The following WIPF2 variants were observed in gnomAD, a reference collection of about 807,000 sequenced individuals.
WIPF2 encodes WAS/WASL interacting protein family member 2.
In WIPF2, 23 loss-of-function variants were observed where a neutral mutation model predicts 38.8. The observed-to-expected ratio is 0.59, with a 90% CI of 0.43 to 0.84. WIPF2 has a LOEUF of 0.84. Among genes scored for constraint, WIPF2 ranks in the 40% least tolerant of loss-of-function variants. WIPF2 has a pLI of 0.00. For missense variants in WIPF2, 574 were observed against 580.5 expected (o/e 0.99, Z 0.11); for synonymous variants, 210 against 223.2 (o/e 0.94, Z 0.53).
Position 40,278,347 on chromosome 17 carries a change from C to A in WIPF2, c.*122C>A. On this transcript the variant is annotated 3_prime_UTR_variant, in exon 8 of 8. Transcript: ENST00000323571. ...ACATGTTTCTCCAATGCAATCAAGC[C>A]CTAGACTCCAAATGTCCTCCCAGCT... The A allele has an allele frequency of 8.5e-7, 1 of 1,176,056 alleles. No individual in the cohort carries two copies. Among genetic ancestry groups the A allele is most frequent in the Non-Finnish European group, 1.2e-6 (1 of 819,216 alleles). The allele number at this position is 1,176,056 out of a possible 1,614,324, so 72.9% of individuals were successfully genotyped here.
rs2032552512 is a variant in WIPF2 at position 40,281,870 on chromosome 17, C to T, written c.*3645C>T. The T allele has an allele frequency of 6.6e-6, 1 of 152,532 alleles. No homozygotes were observed. The highest frequency in any genetic ancestry group is 1.5e-5 in the Non-Finnish European group (1 of 68,060). 9.4% of individuals were successfully genotyped at this position (152,532 alleles called of 1,614,324 possible). ...CTATGATGGCACTACATTGAGCTGT[C>T]TGCCCTTCCGGAAACCCAACCTGCA... On this transcript the variant is annotated 3_prime_UTR_variant, in exon 8 of 8. Coordinates refer to ENST00000323571, the MANE Select transcript of WIPF2 (RefSeq NM_133264.5).
chr17:40,242,876 G>T, intron 1 of WIPF2, among the ~76,000 whole-genome samples: 1 of 152,198 alleles, frequency 6.6e-6, no homozygotes, highest in East Asian at 1.9e-4. Flanking sequence ...CTGTACTTCA[G>T]TGCTTTCAGG....
chr17:40,264,941 C>T lies in WIPF2; in HGVS notation c.765C>T (p.Tyr255=). Residue 255 remains tyrosine (Y), a synonymous_variant, in exon 5 of 8, where the codon TAC becomes TAT. Transcript: ENST00000323571. ...GQSLAPPPPP[Y]RQPPGVPNGP... is the part of the protein sequence containing the mutation. ...CTCTGGCTCCTCCTCCTCCGCCTTA[C>T]CGCCAGCCTCCTGGGGTCCCCAATG... 6.2e-7 allele frequency: 1 copy of T among 1,614,234 alleles called. No homozygotes were observed. The highest frequency in any genetic ancestry group is 1.6e-4 in the Middle Eastern group (1 of 6,062).
At chr17:40,249,393 A>G (rs2031479845) in intron 1 of WIPF2, among the ~76,000 whole-genome samples, 1 of 152,038 alleles carries the variant, frequency 6.6e-6, no homozygotes, top group South Asian at 2.1e-4. Flanking sequence ...GGAGTGAAAC[A>G]TTAGGAAATT....
At position 40,283,512 on chromosome 17, in the gene WIPF2, G is replaced by A. The variant is rs1425670091; in HGVS notation, c.*5287G>A. 1.3e-5 allele frequency: 2 copies of A among 152,140 alleles called. No homozygotes were observed. The highest frequency in any genetic ancestry group is 4.8e-5 in the African/African-American group (2 of 41,400). The allele number at this position is 152,140 out of a possible 1,614,324, so 9.4% of individuals were successfully genotyped here. ...TTGTCCCACCTCAGCTTCTCAAAGT[G>A]CTGGGATTACAGGCATGAGCCACCG... On this transcript the variant is annotated 3_prime_UTR_variant, in exon 8 of 8. Transcript: ENST00000323571.
chr17:40,223,255 T>C (rs1306560355), intron 1 of WIPF2, among the ~76,000 whole-genome samples: 1 of 152,064 alleles, frequency 6.6e-6, no homozygotes, highest in Non-Finnish European at 1.5e-5. Flanking sequence ...GCAATTCTCC[T>C]GGCTCAGCCT....
At chr17:40,262,108 G>T (rs1295461575) in intron 3 of WIPF2, among the ~76,000 whole-genome samples, 7 of 127,154 alleles carry the variant, frequency 5.5e-5, no homozygotes, top group South Asian at 4.9e-4. Context: ...ACAGGGTCTT[G>T]CTCTGTCTGT....
intron 1 of WIPF2, among the ~76,000 whole-genome samples, chr17:40,232,041 C>G (rs2030767077): frequency 7.6e-6 from 1 of 132,320 alleles, no homozygotes; most frequent in South Asian, 2.4e-4. Context: ...GAGACAGGAT[C>G]TGGCTTTGTC....
intron 1 of WIPF2, among the ~76,000 whole-genome samples, chr17:40,253,392 T>C (rs1370226718): frequency 2.0e-5 from 3 of 152,202 alleles, no homozygotes; most frequent in Non-Finnish European, 4.4e-5. Context: ...ACTAGCTTTC[T>C]TTGCTAATGC....
At chr17:40,230,096 G>A (rs1009032122) in intron 1 of WIPF2, among the ~76,000 whole-genome samples, 3 of 152,136 alleles carry the variant, frequency 2.0e-5, no homozygotes, top group Non-Finnish European at 4.4e-5. Flanking sequence ...CCAACACTTT[G>A]GGAGACCAAG....
chr17:40,253,341 C>T (rs948722619), intron 1 of WIPF2, among the ~76,000 whole-genome samples: 16 of 152,140 alleles, frequency 1.1e-4, no homozygotes, highest in African/African-American at 1.7e-4. Flanking sequence ...GGATTACAGG[C>T]GTGAGCCACC....
intron 1 of WIPF2, among the ~76,000 whole-genome samples, chr17:40,254,112 G>A (rs2031647085): frequency 6.6e-6 from 1 of 151,824 alleles, no homozygotes. Flanking sequence ...CGCCTCCCGG[G>A]TTCAAGCAAC....
chr17:40,251,830 T>C (rs2031570174), intron 1 of WIPF2, among the ~76,000 whole-genome samples: 1 of 152,228 alleles, frequency 6.6e-6, no homozygotes, highest in Admixed American at 6.5e-5. Flanking sequence ...ATGTAATAAA[T>C]GTCATTGATA....
chr17:40,219,500 A>G lies in WIPF2; in HGVS notation c.-70+8A>G, dbSNP rs1158424967. The stretch of plus-strand genomic sequence containing the variant: ...CAGAGCAGCTGCGGCCAGGTCGGAA[A>G]GAGGCCGGGGCGGCTGGGTCAGTCG... On this transcript the variant is annotated splice_region_variant and intron_variant, in intron 1 of 7. Coordinates refer to ENST00000323571, the MANE Select transcript of WIPF2 (RefSeq NM_133264.5). The G allele has an allele frequency of 1.3e-5, 2 of 156,122 alleles. No homozygotes were observed. The highest frequency in any genetic ancestry group is 5.2e-5 in the African/African-American group (2 of 38,398). The allele number at this position is 156,122 out of a possible 1,614,324, so 9.7% of individuals were successfully genotyped here.
intron 1 of WIPF2, among the ~76,000 whole-genome samples, chr17:40,223,445 G>T (rs993159386): frequency 6.6e-6 from 1 of 151,994 alleles, no homozygotes; most frequent in African/African-American, 2.4e-5. Context: ...AAGGTGAAAT[G>T]CAGGAGAGGT....
At chr17:40,225,423 ACT>A (rs2030438738) in intron 1 of WIPF2, among the ~76,000 whole-genome samples, 1 of 152,020 alleles carries the variant, frequency 6.6e-6, no homozygotes, top group South Asian at 2.1e-4. Flanking sequence ...GTCAGTCTTA[ACT>A]CTCTTTAAGA....
Position 40,264,734 on chromosome 17 carries a change from C to T in WIPF2, c.558C>T (p.Ala186=), listed in dbSNP as rs2032024935. 6.2e-7 allele frequency: 1 copy of T among 1,608,856 alleles called. No individual in the cohort carries two copies. Among genetic ancestry groups the T allele is most frequent in the East Asian group, 2.2e-5 (1 of 44,792 alleles). The change falls in exon 5 of 8, where the codon GCC becomes GCT. Residue 186 remains alanine, a synonymous_variant. Coordinates refer to ENST00000323571, the MANE Select transcript of WIPF2 (RefSeq NM_133264.5). ...CCCCACCACCCCCAGGGCGGCGTGC[C>T]AACGCACCCCCCACACCTCTGCCTA... ...APPPPPPGRR[A]NAPPTPLPMH... is the part of the protein sequence containing the mutation.
intron 1 of WIPF2, among the ~76,000 whole-genome samples, chr17:40,244,326 G>A (rs181261047): frequency 6.6e-6 from 1 of 152,242 alleles, no homozygotes; most frequent in African/African-American, 2.4e-5. Context: ...CTCTTAGGCA[G>A]CTCCTGGCTC....
Position 40,219,501 on chromosome 17 carries a change from G to C in WIPF2, c.-70+9G>C, listed in dbSNP as rs530357236. On this transcript the variant is annotated intron_variant, in intron 1 of 7. Coordinates refer to ENST00000323571, the MANE Select transcript of WIPF2 (RefSeq NM_133264.5). ...AGAGCAGCTGCGGCCAGGTCGGAAA[G>C]AGGCCGGGGCGGCTGGGTCAGTCGC... The C allele has an allele frequency of 1.6e-4, 30 of 188,166 alleles. No homozygotes were observed. Among genetic ancestry groups the C allele is most frequent in the African/African-American group, 6.7e-4 (28 of 41,538 alleles). The allele number at this position is 188,166 out of a possible 1,614,324, so 11.7% of individuals were successfully genotyped here.
Sources: gnomAD v4.1 joint callset for allele counts (sites outside exome capture counted in the v4.1 genomes callset) on GRCh38, gnomAD v4.1.1 for gene constraint, MANE v1.5 for transcripts, NCBI Gene and HGNC (gene_info 2026-07-23, HGNC 2026-07-21) for gene names.